The following TTC21B variants were observed in gnomAD, a reference collection of about 807,000 sequenced individuals.
The protein encoded by TTC21B is tetratricopeptide repeat domain 21B, also known as tetratricopeptide repeat protein 21B.
Under a neutral mutation model 175.1 loss-of-function variants are expected in TTC21B, and 127 were observed. The observed-to-expected ratio is 0.73, with a 90% CI of 0.63 to 0.84. TTC21B has a LOEUF of 0.84. Among genes scored for constraint, TTC21B ranks in the 40% least tolerant of loss-of-function variants. The pLI is 0.00. For synonymous variants in TTC21B, 524 were observed against 524.5 expected (o/e 1.00, Z 0.01); for missense variants, 1,561 against 1,558.3 (o/e 1.00, Z -0.03).
intron 18 of TTC21B, among the ~76,000 whole-genome samples, chr2:165,910,846 A>G (rs1277756925): frequency 6.6e-6 from 1 of 152,172 alleles, no homozygotes; most frequent in Non-Finnish European, 1.5e-5. Context: ...AGTTTCGCAC[A>G]GGAAAATCAC....
chr2:165,893,309 A>G (rs1685256396), intron 22 of TTC21B, among the ~76,000 whole-genome samples: 1 of 152,234 alleles, frequency 6.6e-6, no homozygotes, highest in African/African-American at 2.4e-5. Flanking sequence ...ATAAAGCCAC[A>G]GCATCTGGAA....
At position 165,920,239 on chromosome 2, in the gene TTC21B, G is replaced by T. The variant is rs547865706; in HGVS notation, c.1517-806C>A. ...ATTCAACCTTGCTAGGAGAATGTGG[G>T]AAGAAGAGAGCCTAAATGATTTTCT... is the stretch of plus-strand genomic sequence containing the variant. On this transcript the variant is annotated intron_variant, in intron 12 of 28. Transcript: ENST00000243344. 2.0e-5 allele frequency among the ~76,000 whole-genome samples: 3 copies of T among 152,230 alleles called. No individual in the cohort carries two copies. In the South Asian group the frequency reaches 6.2e-4, roughly 32 times the overall value.
chr2:165,946,993 G>A (rs1051140900), intron 3 of TTC21B, among the ~76,000 whole-genome samples: 1 of 151,348 alleles, frequency 6.6e-6, no homozygotes. Context: ...GGTACTCAAC[G>A]TATTAATAAT....
intron 25 of TTC21B, among the ~76,000 whole-genome samples, chr2:165,887,804 G>A (rs1685058757): frequency 6.6e-6 from 1 of 152,202 alleles, no homozygotes; most frequent in African/African-American, 2.4e-5. Flanking sequence ...GGTTATTTCA[G>A]TGTTGCTAAA....
chr2:165,875,724 A>G (rs971044298), intron 28 of TTC21B, among the ~76,000 whole-genome samples: 2 of 152,278 alleles, frequency 1.3e-5, no homozygotes, highest in Non-Finnish European at 2.9e-5. Context: ...TCTAATCAGA[A>G]TAATGATCTG....
At chr2:165,888,701 C>A (rs1204103850) in intron 24 of TTC21B, among the ~76,000 whole-genome samples, 2 of 152,080 alleles carry the variant, frequency 1.3e-5, no homozygotes, top group Non-Finnish European at 2.9e-5. Context: ...CAATAAAACA[C>A]CATTAAGCAT....
Position 165,917,484 on chromosome 2 carries a change from G to C in TTC21B, c.1675-3C>G. 6.3e-7 allele frequency: 1 copy of C among 1,598,152 alleles called. No homozygotes were observed. Among genetic ancestry groups the C allele is most frequent in the East Asian group, 2.2e-5 (1 of 44,792 alleles). On this transcript the variant is annotated splice_region_variant and splice_polypyrimidine_tract_variant and intron_variant, in intron 13 of 28. Coordinates refer to ENST00000243344, the MANE Select transcript of TTC21B (RefSeq NM_024753.5). ...TGGTATAAAGGATAGTCTCTCACCT[G>C]AAGAATAATATTTAATATTTCCTTG... is the stretch of plus-strand genomic sequence containing the variant.
chr2:165,885,537 C>T (rs958280835), intron 25 of TTC21B, among the ~76,000 whole-genome samples: 1 of 152,142 alleles, frequency 6.6e-6, no homozygotes. Flanking sequence ...CTGAGCCTCA[C>T]CCTCTCCCCA....
At chr2:165,926,161 T>G (rs1019235545) in intron 11 of TTC21B, among the ~76,000 whole-genome samples, 2 of 152,210 alleles carry the variant, frequency 1.3e-5, no homozygotes, top group African/African-American at 2.4e-5. Flanking sequence ...TTACTTTCTA[T>G]CATGCTGGTA....
At chr2:165,896,715 A>G (rs1483534995) in intron 22 of TTC21B, among the ~76,000 whole-genome samples, 1 of 152,164 alleles carries the variant, frequency 6.6e-6, no homozygotes, top group Non-Finnish European at 1.5e-5. Flanking sequence ...AGCAAACAAA[A>G]AGGCTCAAGG....
chr2:165,930,732 G>GGGTGTGTGTGTGTGTGTGTGTGT (rs376602791), intron 8 of TTC21B, among the ~76,000 whole-genome samples: 1 of 110,832 alleles, frequency 9.0e-6, no homozygotes, highest in African/African-American at 3.1e-5. Flanking sequence ...TGGGTATGGG[G>GGGTGTGTGTGTGTGTGTGTGTGT]GTGTGTGTGT....
At position 165,953,670 on chromosome 2, in the gene TTC21B, C is replaced by CGCTCACCG; in HGVS notation, c.21+14_21+15insCGGTGAGC. On this transcript the variant is annotated intron_variant, in intron 1 of 28. Coordinates refer to ENST00000243344, the MANE Select transcript of TTC21B (RefSeq NM_024753.5). ...CCGCCCGCCCGCTCACCCGCTCACCCGCTCACCCGCTCACCTTCAATTCCT... is the reference window on the plus strand; with the variant it reads ...CCGCCCGCCCGCTCACCCGCTCACCCGCTCACCGGCTCACCCGCTCACCTTCAATTCCT... The CGCTCACCG allele has an allele frequency of 6.5e-7, 1 of 1,547,742 alleles. No homozygotes were observed. The highest frequency in any genetic ancestry group is 1.2e-5 in the South Asian group (1 of 83,972).
chr2:165,932,409 A>G (rs1350069454), intron 7 of TTC21B, among the ~76,000 whole-genome samples: 1 of 152,068 alleles, frequency 6.6e-6, no homozygotes. Context: ...ATTTAACCAC[A>G]CTAAACAAAA....
rs185776561 is a variant in TTC21B, at chr2:165,887,916, A to G, written c.3459+363T>C. Among the ~76,000 whole-genome samples the G allele has an allele frequency of 2.4e-4, 37 of 152,290 alleles. No individual in the cohort carries two copies. In the East Asian group the frequency reaches 3.7e-3, roughly 15 times the overall value. ...AAGTTCATGTAAGTGAAGAAGTAAG[A>G]TATCAGGGCAGCCAGGTGTTTATTT... On this transcript the variant is annotated intron_variant, in intron 25 of 28. Transcript: ENST00000243344.
At chr2:165,877,079 C>T (rs539419259) in intron 27 of TTC21B, among the ~76,000 whole-genome samples, 1 of 152,272 alleles carries the variant, frequency 6.6e-6, no homozygotes, top group South Asian at 2.1e-4. Flanking sequence ...TCTCTTGTAA[C>T]ATGCTATAAA....
At position 165,915,407 on chromosome 2, in the gene TTC21B, G is replaced by T. The variant is rs367956961; in HGVS notation, c.1932C>A (p.Ile644=). The change falls in exon 15 of 29, where the codon ATC becomes ATA. Residue 644 remains isoleucine (I), a synonymous_variant. Transcript: ENST00000243344. Reference sequence around the variant, plus strand: ...CTTCAGATGTTCCAGAAAATTCATGGATGGCATCTTGTAAAACTTTGGTTG... The same window carrying T: ...CTTCAGATGTTCCAGAAAATTCATGTATGGCATCTTGTAAAACTTTGGTTG... ...HEATKVLQDA[I]HEFSGTSEEV... The T allele has an allele frequency of 3.7e-6, 6 of 1,614,078 alleles. No homozygotes were observed. In the Admixed American group the frequency reaches 6.7e-5, roughly 18 times the overall value.
At chr2:165,896,253 T>C (rs917482490) in intron 22 of TTC21B, among the ~76,000 whole-genome samples, 1 of 152,152 alleles carries the variant, frequency 6.6e-6, no homozygotes, top group Non-Finnish European at 1.5e-5. Context: ...CATACAGTCA[T>C]GTATTAGTCA....
At chr2:165,877,427 A>G (rs543729263) in intron 27 of TTC21B, among the ~76,000 whole-genome samples, 24 of 152,316 alleles carry the variant, frequency 1.6e-4, no homozygotes, top group South Asian at 6.2e-4. Context: ...TGGTGGTCCC[A>G]AAGATTTTTA....
At chr2:165,920,887 T>C (rs546871449) in intron 12 of TTC21B, among the ~76,000 whole-genome samples, 175 of 149,750 alleles carry the variant, frequency 1.2e-3, no homozygotes, top group African/African-American at 4.1e-3. Flanking sequence ...TCACATTCTT[T>C]CTAAGAGCAG....
Sources: allele counts gnomAD v4.1 joint callset (sites outside exome capture counted in the v4.1 genomes callset), GRCh38; gene constraint gnomAD v4.1.1; transcripts MANE v1.5; gene names NCBI Gene and HGNC (gene_info 2026-07-23, HGNC 2026-07-21).